The following DAB1 variants were observed in gnomAD, a reference collection of about 807,000 sequenced individuals.
DAB1 encodes DAB adaptor protein 1.
DAB1 carries 15 observed loss-of-function variants against 64.6 expected under a neutral mutation model. The observed-to-expected ratio is 0.23, with a 90% CI of 0.16 to 0.36. DAB1 has a LOEUF of 0.36. DAB1 is among the 10% of genes least tolerant of loss of function. The pLI is 1.00. For synonymous variants in DAB1, 235 were observed against 251.9 expected (o/e 0.93, Z 0.64); for missense variants, 596 against 706.7 (o/e 0.84, Z 1.78).
chr1:58,121,799 A>G (rs1398318151), intron 5 of DAB1, among the ~76,000 whole-genome samples: 2 of 151,962 alleles, frequency 1.3e-5, no homozygotes, highest in Non-Finnish European at 2.9e-5. Flanking sequence ...ACATGCATAC[A>G]TATATATATA....
At chr1:57,468,310 G>A (rs753694969) in intron 7 of DAB1, among the ~76,000 whole-genome samples, 32 of 152,170 alleles carry the variant, frequency 2.1e-4, no homozygotes, top group Non-Finnish European at 4.3e-4. Flanking sequence ...TAGCAACTTC[G>A]AGAGAGAATT....
intron 9 of DAB1, among the ~76,000 whole-genome samples, chr1:57,059,787 C>T (rs568271069): frequency 1.3e-5 from 2 of 152,196 alleles, no homozygotes; most frequent in East Asian, 1.9e-4. Flanking sequence ...GGAAATATAT[C>T]GAAATTCTCA....
In DAB1 at chr1:57,492,721, C is replaced by T. The variant is rs188523611; in HGVS notation, n.625+156871G>A. Among the ~76,000 whole-genome samples, 143 of 152,238 alleles carry T rather than the reference C, an allele frequency of 9.4e-4. 1 individual carries two copies. The highest frequency in any genetic ancestry group is 2.8e-3 in the African/African-American group (117 of 41,540). On this transcript the variant is annotated intron_variant and non_coding_transcript_variant, in intron 7 of 20. Coordinates refer to the DAB1 transcript ENST00000485760. ...ATAGCTTTAACCCTACTGGGCAAGTCGCTTTAACTCTCTGAGAGGAATAGT... is the reference window on the plus strand; with the variant it reads ...ATAGCTTTAACCCTACTGGGCAAGTTGCTTTAACTCTCTGAGAGGAATAGT...
At position 58,336,905 on chromosome 1, in the gene DAB1, T is replaced by A. The variant is rs1362890964; in HGVS notation, n.309+6447A>T. On this transcript the variant is annotated intron_variant and non_coding_transcript_variant, in intron 4 of 20. Transcript: ENST00000485760. ...TTAAGCCCAGATCTGGGCCCAACAC[T>A]TTAGCACTTATTGAATGCAGTGCCT... Among the ~76,000 whole-genome samples, 3 of 152,174 alleles carry A rather than the reference T, an allele frequency of 2.0e-5. No individual in the cohort carries two copies. In the East Asian group the frequency reaches 5.8e-4, roughly 29 times the overall value.
intron 1 of DAB1, among the ~76,000 whole-genome samples, chr1:57,375,621 T>A (rs1680832341): frequency 6.6e-6 from 1 of 152,276 alleles, no homozygotes; most frequent in Non-Finnish European, 1.5e-5. Flanking sequence ...AGTCTTGTCA[T>A]AGAGCCCAAA....
chr1:57,654,532 T>C (rs945867637), intron 6 of DAB1, among the ~76,000 whole-genome samples: 2 of 152,216 alleles, frequency 1.3e-5, no homozygotes, highest in African/African-American at 4.8e-5. Context: ...TTTGTTTGCT[T>C]TCAATACCAA....
At chr1:57,995,638 G>C (rs989051354) in intron 5 of DAB1, among the ~76,000 whole-genome samples, 2 of 152,206 alleles carry the variant, frequency 1.3e-5, no homozygotes, top group Non-Finnish European at 2.9e-5. Context: ...ATAATGCAAA[G>C]GTAATTTTCT....
intron 4 of DAB1, among the ~76,000 whole-genome samples, chr1:58,216,993 CT>C (rs891689529): frequency 6.6e-6 from 1 of 152,140 alleles, no homozygotes; most frequent in Non-Finnish European, 1.5e-5. Context: ...CATATGGATG[CT>C]TTCAGGGCTC....
intron 1 of DAB1, among the ~76,000 whole-genome samples, chr1:57,421,802 C>T (rs193302620): frequency 4.4e-4 from 67 of 151,100 alleles, no homozygotes; most frequent in African/African-American, 1.4e-3. Flanking sequence ...TGATTAGGTG[C>T]CCTTCTCAAT....
chr1:57,374,899 C>T (rs955857147), intron 1 of DAB1, among the ~76,000 whole-genome samples: 1 of 152,166 alleles, frequency 6.6e-6, no homozygotes, highest in African/African-American at 2.4e-5. Context: ...AGCAGGAAGG[C>T]TGAAAGTCCC....
intron 3 of DAB1, among the ~76,000 whole-genome samples, chr1:58,499,026 A>G (rs1025411566): frequency 2.6e-5 from 4 of 152,158 alleles, no homozygotes; most frequent in African/African-American, 9.7e-5. Flanking sequence ...CTATAAAAAC[A>G]TTTTATAATC....
intron 2 of DAB1, among the ~76,000 whole-genome samples, chr1:57,233,299 GT>G (rs1458767619): frequency 1.6e-5 from 1 of 61,616 alleles, no homozygotes; most frequent in Non-Finnish European, 3.3e-5. Flanking sequence ...GTCTCGCTCT[GT>G]CGCCCAGGCT....
At chr1:57,828,042 T>C (rs533990552) in intron 1 of DAB1, among the ~76,000 whole-genome samples, 10 of 152,066 alleles carry the variant, frequency 6.6e-5, no homozygotes, top group African/African-American at 2.4e-4. Context: ...GCCTCCCGGG[T>C]TCACGCCATT....
intron 2 of DAB1, among the ~76,000 whole-genome samples, chr1:57,185,754 T>C (rs1453705621): frequency 6.6e-6 from 1 of 152,146 alleles, no homozygotes; most frequent in Admixed American, 6.6e-5. Context: ...TCTGGTTTTT[T>C]GTTTTTGGTC....
At chr1:58,248,666 C>A (rs907733692) in intron 4 of DAB1, among the ~76,000 whole-genome samples, 2 of 152,136 alleles carry the variant, frequency 1.3e-5, no homozygotes, top group African/African-American at 2.4e-5. Context: ...ATGTCCCCTG[C>A]AAGAAGGATT....
chr1:57,158,928 G>T (rs759334889), intron 2 of DAB1, among the ~76,000 whole-genome samples: 5 of 152,160 alleles, frequency 3.3e-5, no homozygotes, highest in Non-Finnish European at 7.3e-5. Flanking sequence ...AAGGCATCTG[G>T]AATCAATTTT....
chr1:57,601,465 G>A (rs1478647793), intron 7 of DAB1, among the ~76,000 whole-genome samples: 5 of 152,126 alleles, frequency 3.3e-5, no homozygotes, highest in Non-Finnish European at 1.5e-5. Context: ...CTACTTGGGA[G>A]GCTGAGGTAT....
intron 7 of DAB1, among the ~76,000 whole-genome samples, chr1:57,452,546 C>T (rs905624088): frequency 1.3e-5 from 2 of 151,950 alleles, no homozygotes; most frequent in Non-Finnish European, 2.9e-5. Flanking sequence ...TTATCTCTGC[C>T]CCAGGGATAG....
intron 5 of DAB1, among the ~76,000 whole-genome samples, chr1:58,082,674 G>A (rs1164471130): frequency 6.6e-6 from 1 of 151,998 alleles, no homozygotes; most frequent in Non-Finnish European, 1.5e-5. Context: ...TGGGGAGATC[G>A]TCAAAGGAAA....
Sources: gnomAD v4.1 joint callset for allele counts (sites outside exome capture counted in the v4.1 genomes callset) on GRCh38, gnomAD v4.1.1 for gene constraint, MANE v1.5 for transcripts, NCBI Gene and HGNC (gene_info 2026-07-23, HGNC 2026-07-21) for gene names.